CDH16: variants seen among roughly 807,000 people sequenced by gnomAD.
The protein encoded by CDH16 is cadherin 16.
A neutral mutation model predicts 87.6 loss-of-function variants in CDH16; 79 were observed. That is an observed-to-expected ratio of 0.90 (90% CI 0.75 to 1.09). CDH16 has a LOEUF of 1.09. CDH16 is among the 50% of genes least tolerant of loss of function. The pLI, the probability that CDH16 is intolerant of heterozygous loss-of-function variation, is 0.00. For synonymous variants in CDH16, 457 were observed against 439.5 expected, an observed-to-expected ratio of 1.04 and a Z score of -0.50; for missense variants, 1,124 against 1,071.7, an observed-to-expected ratio of 1.05 and a Z score of -0.68.
Position 66,911,884 on chromosome 16 carries a change from G to A in CDH16, c.1790+15C>T. The A allele has an allele frequency of 6.3e-7, 1 of 1,575,230 alleles. No homozygotes were observed. The highest frequency in any genetic ancestry group is 8.6e-7 in the Non-Finnish European group (1 of 1,156,430). On this transcript the variant is annotated intron_variant, in intron 13 of 17. Coordinates refer to ENST00000299752, the MANE Select transcript of CDH16 (RefSeq NM_004062.4). Reference sequence around the variant, plus strand: ...GGCAATCCAGTCCAGGTAAGGGGCTGGGATTTTAGCTCACCTGAGGGTTCG... The same window carrying A: ...GGCAATCCAGTCCAGGTAAGGGGCTAGGATTTTAGCTCACCTGAGGGTTCG...
chr16:66,909,500 C>A lies in CDH16; in HGVS notation c.2276-117G>T, dbSNP rs1033023081. 2.8e-6 allele frequency: 2 copies of A among 702,528 alleles called. No homozygotes were observed. The highest frequency in any genetic ancestry group is 3.5e-5 in the African/African-American group (2 of 57,288). The allele number at this position is 702,528 out of a possible 1,614,324, so 43.5% of individuals were successfully genotyped here. Reference sequence around the variant, plus strand: ...GTGTTTCTGCACATGTGTGTATTCACATGTGTGTGAAGATATATGCGCTAG... The same window carrying A: ...GTGTTTCTGCACATGTGTGTATTCAAATGTGTGTGAAGATATATGCGCTAG... On this transcript the variant is annotated intron_variant, in intron 16 of 17. Coordinates refer to ENST00000299752, the MANE Select transcript of CDH16 (RefSeq NM_004062.4). The surrounding 1 kb of genome is among the most constrained non-coding windows in gnomAD (Gnocchi z 4.1).
At position 66,908,499 on chromosome 16, in the gene CDH16, C is replaced by T. The variant is rs904329420; in HGVS notation, c.2393-10G>A. ...AGGATGAGGAAGATTCCTGTGGGGC[C>T]CAAGAGGGATGTATCAGGCCTCAGA... is the stretch of plus-strand genomic sequence containing the variant. On this transcript the variant is annotated splice_polypyrimidine_tract_variant and intron_variant, in intron 17 of 17. Transcript: ENST00000299752. The T allele has an allele frequency of 6.2e-7, 1 of 1,609,966 alleles. No homozygotes were observed. The highest frequency in any genetic ancestry group is 8.5e-7 in the Non-Finnish European group (1 of 1,176,294).
intron 1 of CDH16, among the ~76,000 whole-genome samples, chr16:66,918,524 G>A (rs556126066): frequency 6.6e-6 from 1 of 152,338 alleles, no homozygotes; most frequent in African/African-American, 2.4e-5. Flanking sequence ...CTTGACCACA[G>A]GAGGAGTCCT....
rs149929306 is a variant in CDH16, at chr16:66,910,294, C to T, written c.2133G>A (p.Thr711=). Residue 711 remains threonine (T), a synonymous_variant, in exon 15 of 18, where the codon ACG becomes ACA. Transcript: ENST00000299752. Reference sequence around the variant, plus strand: ...TCTGGAGGCGCCAATCCCGTTGCACCGTGGGGTTGGGACCAAGGGTGAAGC... The same window carrying T: ...TCTGGAGGCGCCAATCCCGTTGCACTGTGGGGTTGGGACCAAGGGTGAAGC... ...PYSFTLGPNP[T]VQRDWRLQTL... 102 of 1,611,132 alleles carry T rather than the reference C, an allele frequency of 6.3e-5. No homozygotes were observed. The Admixed American group carries it at 1.2e-3, about 20-fold the overall frequency.
Position 66,908,152 on chromosome 16 carries a change from C to G in CDH16, c.*240G>C. The stretch of plus-strand genomic sequence containing the variant: ...ATCCCATAGGGCCCAGCCCAGTTCT[C>G]TGGGGCTTTATTATTGGGCAAACAC... On this transcript the variant is annotated 3_prime_UTR_variant, in exon 18 of 18. Coordinates refer to ENST00000299752, the MANE Select transcript of CDH16 (RefSeq NM_004062.4). The G allele has an allele frequency of 1.8e-6, 1 of 558,520 alleles. No individual in the cohort carries two copies. The highest frequency in any genetic ancestry group is 3.2e-6 in the Non-Finnish European group (1 of 311,428). 34.6% of individuals were successfully genotyped at this position (558,520 alleles called of 1,614,324 possible).
Position 66,912,816 on chromosome 16 carries a change from A to G in CDH16, c.1130T>C (p.Leu377Pro). ...GSPNSHVVYQ[L>P]LSPEPEDGVE... ...CCCATCCTCAGGCTCAGGGCTCAGG[A>G]GCTGATACACAACGTGGGAATTGGG... is the stretch of plus-strand genomic sequence containing the variant. Residue 377 changes from leucine to proline, a missense_variant, in exon 10 of 18, where the codon CTC becomes CCC. Physicochemically the swap from Leu to Pro is moderately conservative, Grantham distance 98. Coordinates refer to ENST00000299752, the MANE Select transcript of CDH16 (RefSeq NM_004062.4). 1 of 1,613,596 alleles carries G rather than the reference A, an allele frequency of 6.2e-7. No individual in the cohort carries two copies. Among genetic ancestry groups the G allele is most frequent in the Non-Finnish European group, 8.5e-7 (1 of 1,179,994 alleles).
Position 66,910,060 on chromosome 16 carries a change from C to G in CDH16, c.2201G>C (p.Trp734Ser). Reference protein sequence around the residue: ...SHAYLTLALHWVEPREHIIPV... With the variant: ...SHAYLTLALHSVEPREHIIPV... ...GATTATGTGTTCACGTGGCTCCACCCAATGCAGGGCCAAGGTGAGGTAGGC... is the reference window on the plus strand; with the variant it reads ...GATTATGTGTTCACGTGGCTCCACCGAATGCAGGGCCAAGGTGAGGTAGGC... Residue 734 changes from tryptophan to serine, a missense_variant, in exon 16 of 18, where the codon TGG (tryptophan) becomes TCG (serine). By Grantham distance (177) the Trp-to-Ser change is radical. Transcript: ENST00000299752. 1 of 1,612,988 alleles carries G rather than the reference C, an allele frequency of 6.2e-7. No homozygotes were observed. The highest frequency in any genetic ancestry group is 8.5e-7 in the Non-Finnish European group (1 of 1,179,340).
chr16:66,914,528 T>C, intron 6 of CDH16, 116 bp from the exon 7 acceptor site: 1 of 727,494 alleles, frequency 1.4e-6, no homozygotes, highest in Non-Finnish European at 2.3e-6. Flanking sequence ...TGGGACACTC[T>C]CTTGGCCAAG....
In CDH16 at chr16:66,916,291, C is replaced by T; in HGVS notation, c.268G>A (p.Ala90Thr). ...AGCCATACCTGTAGCTGGTACTCTG[C>T]CTGCTCCTCTCGGTCCAGGGCCCTG... ...VTRALDREEQ[A>T]EYQLQVTLEM... Residue 90 changes from alanine (A) to threonine (T), a missense_variant, in exon 4 of 18, where the codon GCA becomes ACA. Transcript: ENST00000299752. This position sits in a 1 kb window ranked among gnomAD's most constrained non-coding sequence, Gnocchi z 4.1. The T allele has an allele frequency of 8.7e-6, 14 of 1,613,712 alleles. No individual in the cohort carries two copies. The highest frequency in any genetic ancestry group is 1.1e-5 in the Non-Finnish European group (13 of 1,179,636).
In CDH16 at chr16:66,917,729, T is replaced by C. The variant is rs529622708; in HGVS notation, c.46-4A>G. The C allele has an allele frequency of 1.2e-6, 2 of 1,607,508 alleles. No individual in the cohort carries two copies. Among genetic ancestry groups the C allele is most frequent in the East Asian group, 4.5e-5 (2 of 44,814 alleles). The stretch of plus-strand genomic sequence containing the variant: ...CAGGCTGGGCCTTGGGGAGAGCCTG[T>C]GGGAGGATTCTCACCTTGTCACCAG... On this transcript the variant is annotated splice_region_variant and splice_polypyrimidine_tract_variant and intron_variant, in intron 2 of 17. Coordinates refer to ENST00000299752, the MANE Select transcript of CDH16 (RefSeq NM_004062.4).
chr16:66,917,756 C>G, intron 2 of CDH16, 31 bp from the exon 3 acceptor site: 1 of 1,563,804 alleles, frequency 6.4e-7, no homozygotes, highest in Non-Finnish European at 8.8e-7. Context: ...TGTCACCAGG[C>G]TCTATCTTCC....
chr16:66,915,401 A>C, intron 5 of CDH16, 23 bp from the exon 6 acceptor site: 2 of 1,611,292 alleles, frequency 1.2e-6, no homozygotes, highest in South Asian at 2.2e-5. Context: ...GGGAGGGCAA[A>C]CTGTAAGGGA....
chr16:66,909,276 C>A lies in CDH16; in HGVS notation c.2383G>T (p.Val795Leu). 6.2e-7 allele frequency: 1 copy of A among 1,608,018 alleles called. No individual in the cohort carries two copies. The highest frequency in any genetic ancestry group is 8.5e-7 in the Non-Finnish European group (1 of 1,174,438). Residue 795 changes from valine (V) to leucine (L), a missense_variant, in exon 17 of 18, where the codon GTA becomes TTA. Coordinates refer to ENST00000299752, the MANE Select transcript of CDH16 (RefSeq NM_004062.4). This position sits in a 1 kb window ranked among gnomAD's most constrained non-coding sequence, Gnocchi z 4.1. Reference sequence around the variant, plus strand: ...GTCCAACCTCCATTACCTATTGCTACCAGGGTGCCTACAAGGATGCCCACT... The same window carrying A: ...GTCCAACCTCCATTACCTATTGCTAACAGGGTGCCTACAAGGATGCCCACT... ...SAVGILVGTL[V>L]AIGIFLILIF...
Position 66,909,987 on chromosome 16 carries a change from TC to T in CDH16, c.2273del (p.Arg758GlnfsTer2). The T allele has an allele frequency of 6.3e-7, 1 of 1,597,214 alleles. No homozygotes were observed. The highest frequency in any genetic ancestry group is 8.5e-7 in the Non-Finnish European group (1 of 1,171,172). ...GGCTGCACCCAAGCCCAATCTCACC[TC>T]GAACCAGGAGCTGCCACATCTGGGC... ...HNAQMWQLLV[R>X]VIVCRCNVEG... On this transcript the variant is annotated frameshift_variant and splice_region_variant, in exon 16 of 18. Coordinates refer to ENST00000299752, the MANE Select transcript of CDH16 (RefSeq NM_004062.4). LOFTEE classifies it high-confidence loss of function. This position sits in a 1 kb window ranked among gnomAD's most constrained non-coding sequence, Gnocchi z 4.1.
rs780328863 is a variant in CDH16 at position 66,915,253 on chromosome 16, G to T, written c.550C>A (p.Pro184Thr). The T allele has an allele frequency of 6.2e-7, 1 of 1,613,270 alleles. No individual in the cohort carries two copies. The highest frequency in any genetic ancestry group is 1.7e-5 in the Admixed American group (1 of 59,972). The change falls in exon 6 of 18, where the codon CCT (proline) becomes ACT (threonine). Residue 184 changes from proline to threonine, a missense_variant. Transcript: ENST00000299752. ...CTGAGGGCCAGAGCCCCCAGCCGAG[G>T]CTCCAGCTGGAACATGTCTGGGGAA... The part of the protein sequence containing the change: ...QPSPDMFQLE[P>T]RLGALALSPK...
chr16:66,911,482 T>G (rs568654888), intron 13 of CDH16, among the ~76,000 whole-genome samples, 167 bp from the exon 14 acceptor site: 2 of 152,122 alleles, frequency 1.3e-5, no homozygotes, highest in East Asian at 1.9e-4. Context: ...CAGGATTTGT[T>G]GTGGTGGTGG....
intron 14 of CDH16, 146 bp from the exon 15 acceptor site, chr16:66,910,648 AT>A (rs1298084549): frequency 1.2e-6 from 1 of 866,318 alleles, no homozygotes; most frequent in Non-Finnish European, 1.6e-6. Flanking sequence ...ACCTGTCATC[AT>A]CCCCATGCCA....
rs1174108046 is a variant in CDH16, at chr16:66,912,010, G to A, written c.1679C>T (p.Pro560Leu). 1 of 1,614,002 alleles carries A rather than the reference G, an allele frequency of 6.2e-7. No individual in the cohort carries two copies. The highest frequency in any genetic ancestry group is 1.3e-5 in the African/African-American group (1 of 74,910). ...TVTVLVERVM[P>L]PPKLDQESYE... is the part of the protein sequence containing the mutation. ...GCTCTCCTGGTCCAACTTGGGGGGTGGCATCACTCTCTCCACTAGCACAGT... is the reference window on the plus strand; with the variant it reads ...GCTCTCCTGGTCCAACTTGGGGGGTAGCATCACTCTCTCCACTAGCACAGT... The change falls in exon 13 of 18, where the codon CCA becomes CTA. Residue 560 changes from proline (P) to leucine (L), a missense_variant. Transcript: ENST00000299752.
chr16:66,913,666 C>A lies in CDH16; in HGVS notation c.781-53G>T, dbSNP rs559789227. On this transcript the variant is annotated intron_variant, in intron 7 of 17. Transcript: ENST00000299752. ...CAGGAACAATCCATGTCAGCCTTTG[C>A]GCCCCATCTGATTTCTCGTTGAGGA... is the stretch of plus-strand genomic sequence containing the variant. The A allele has an allele frequency of 1.8e-4, 285 of 1,595,198 alleles. 5 individuals are homozygous for A. The South Asian group carries it at 3.1e-3, about 17-fold the overall frequency.
Sources: gnomAD v4.1 joint callset for allele counts (sites outside exome capture counted in the v4.1 genomes callset) on GRCh38, gnomAD v4.1.1 for gene constraint, Gnocchi (gnomAD v3.1) non-coding constraint, MANE v1.5 for transcripts, NCBI Gene and HGNC (gene_info 2026-07-23, HGNC 2026-07-21) for gene names.